Variants in AOPEP observed in about 807,000 individuals in gnomAD.
The protein encoded by AOPEP is aminopeptidase O (putative).
In AOPEP, 77 loss-of-function variants were observed where a neutral mutation model predicts 98.1. The ratio of observed to expected loss-of-function variants is 0.78; its 90% confidence interval spans 0.65 to 0.95. The LOEUF is 0.95. Ranked by LOEUF, AOPEP falls within the 40% of genes least tolerant of loss-of-function variation. AOPEP has a pLI of 0.00. For missense variants in AOPEP, 1,024 were observed against 1,024.7 expected (o/e 1.00, Z 0.01); for synonymous variants, 346 against 365.3 (o/e 0.95, Z 0.60).
chr9:94,922,910 C>T (rs77508117), intron 5 of AOPEP, among the ~76,000 whole-genome samples: 1,774 of 152,270 alleles, frequency 0.012, 34 homozygotes, highest in African/African-American at 0.041. Flanking sequence ...GTGGGGTTTT[C>T]TCTAATGGTG....
chr9:94,935,717 T>A (rs919232925), intron 7 of AOPEP, among the ~76,000 whole-genome samples: 29 of 152,116 alleles, frequency 1.9e-4, no homozygotes, highest in African/African-American at 6.0e-4. Context: ...GGGTGGGGTG[T>A]GGGCATGGCC....
chr9:94,962,275 C>T (rs538929490), intron 9 of AOPEP, among the ~76,000 whole-genome samples: 6 of 152,274 alleles, frequency 3.9e-5, no homozygotes, highest in East Asian at 1.9e-4. Flanking sequence ...TTATTTCCCA[C>T]GTTTTACTCA....
intron 11 of AOPEP, among the ~76,000 whole-genome samples, chr9:94,988,124 T>C (rs1404596687): frequency 6.6e-6 from 1 of 152,200 alleles, no homozygotes; most frequent in Non-Finnish European, 1.5e-5. Flanking sequence ...TTTACATGGA[T>C]ACTTCTAAAA....
chr9:94,804,249 C>T (rs529915136), intron 5 of AOPEP, among the ~76,000 whole-genome samples: 3 of 152,154 alleles, frequency 2.0e-5, no homozygotes, highest in Non-Finnish European at 4.4e-5. Flanking sequence ...CTTAATCTTA[C>T]CTTTGTATGT....
downstream of AOPEP, among the ~76,000 whole-genome samples, chr9:95,090,307 C>T (rs746627322): frequency 4.6e-5 from 7 of 152,222 alleles, no homozygotes; most frequent in East Asian, 1.9e-4. Context: ...AAACGGATGC[C>T]GGGTCCAGTC....
At chr9:95,050,403 T>C (rs1388786537) in intron 13 of AOPEP, among the ~76,000 whole-genome samples, 7 of 152,226 alleles carry the variant, frequency 4.6e-5, no homozygotes, top group Non-Finnish European at 8.8e-5. Flanking sequence ...CATAACACTT[T>C]TCACAGTTAA....
intron 13 of AOPEP, among the ~76,000 whole-genome samples, chr9:95,057,504 T>TTGTGG (rs1266694635): frequency 1.3e-5 from 2 of 152,268 alleles, no homozygotes; most frequent in Admixed American, 1.3e-4. Context: ...CCACTGCTTT[T>TTGTGG]TCATTTGTAG....
intron 5 of AOPEP, among the ~76,000 whole-genome samples, chr9:94,883,589 C>T (rs974954991): frequency 6.6e-6 from 1 of 152,148 alleles, no homozygotes; most frequent in Non-Finnish European, 1.5e-5. Context: ...ACAATTCAGA[C>T]TGAAGAACTC....
At chr9:94,787,329 G>A (rs1844650089) in intron 3 of AOPEP, among the ~76,000 whole-genome samples, 1 of 152,230 alleles carries the variant, frequency 6.6e-6, no homozygotes, top group Non-Finnish European at 1.5e-5. Flanking sequence ...AAGGTGCTGG[G>A]TTGTGATGGG....
At chr9:94,922,382 C>T (rs2053755950) in intron 5 of AOPEP, among the ~76,000 whole-genome samples, 1 of 152,242 alleles carries the variant, frequency 6.6e-6, no homozygotes, top group African/African-American at 2.4e-5. Flanking sequence ...CCCACGCAGG[C>T]TTGCCCTCCA....
chr9:94,846,877 C>T lies in AOPEP; in HGVS notation c.1364+45875C>T, dbSNP rs2042923794. Among the ~76,000 whole-genome samples, 8 of 152,264 alleles carry T rather than the reference C, an allele frequency of 5.3e-5. No individual in the cohort carries two copies. The South Asian group carries it at 1.7e-3, about 32-fold the overall frequency. ...GTGAGCCAGGGATGGCGCCACTGCTCTCCAGCCTGGGTGACAGAGCAAGAC... is the reference window on the plus strand; with the variant it reads ...GTGAGCCAGGGATGGCGCCACTGCTTTCCAGCCTGGGTGACAGAGCAAGAC... On this transcript the variant is annotated intron_variant, in intron 5 of 16. Transcript: ENST00000375315.
At chr9:94,916,302 G>C (rs1004118126) in intron 5 of AOPEP, among the ~76,000 whole-genome samples, 4 of 152,148 alleles carry the variant, frequency 2.6e-5, no homozygotes, top group African/African-American at 7.2e-5. Flanking sequence ...CTCCAATGAG[G>C]CTGCCGACAT....
At position 94,748,733 on chromosome 9, in the gene AOPEP, T is replaced by C. The variant is rs1013321482; in HGVS notation, c.-135-10916T>C. 2.0e-5 allele frequency among the ~76,000 whole-genome samples: 3 copies of C among 152,194 alleles called. No individual in the cohort carries two copies. In the South Asian group the frequency reaches 6.2e-4, roughly 31 times the overall value. ...CTTGTTTTTTATAGCCTTCACACTT[T>C]TGAAGAGTACTGGTTAGGTATATTT... On this transcript the variant is annotated intron_variant, in intron 1 of 16. Coordinates refer to ENST00000375315, the MANE Select transcript of AOPEP (RefSeq NM_001193329.3).
At position 94,822,005 on chromosome 9, in the gene AOPEP, A is replaced by G. The variant is rs1233442807; in HGVS notation, c.1364+21003A>G. 2.0e-5 allele frequency among the ~76,000 whole-genome samples: 3 copies of G among 148,892 alleles called. No individual in the cohort carries two copies. The East Asian group carries it at 5.9e-4, about 29-fold the overall frequency. ...CACACACACACACACACACACACAC[A>G]CACACACGCAGGCATTCAGCCTACT... On this transcript the variant is annotated intron_variant, in intron 5 of 16. Transcript: ENST00000375315.
intron 1 of AOPEP, among the ~76,000 whole-genome samples, chr9:94,737,803 G>T (rs1832114599): frequency 6.6e-6 from 1 of 152,202 alleles, no homozygotes; most frequent in African/African-American, 2.4e-5. Context: ...TCCGTATTTG[G>T]TTGGGGATAT....
the AOPEP span, among the ~76,000 whole-genome samples, chr9:95,144,148 G>A: frequency 2.0e-5 from 3 of 152,142 alleles, no homozygotes; most frequent in Non-Finnish European, 4.4e-5. Flanking sequence ...GGGGCTGGGC[G>A]CGGCTGGTAA....
intron 5 of AOPEP, among the ~76,000 whole-genome samples, chr9:94,808,759 T>C (rs1336051409): frequency 1.3e-5 from 2 of 152,252 alleles, no homozygotes; most frequent in African/African-American, 4.8e-5. Context: ...CAGCCAAGAC[T>C]TGGGGTAGGC....
the AOPEP span, among the ~76,000 whole-genome samples, chr9:95,147,116 A>G: frequency 6.6e-6 from 1 of 151,778 alleles, no homozygotes; most frequent in African/African-American, 2.4e-5. Context: ...TCTATTTGAA[A>G]AGTAACATTT....
intron 5 of AOPEP, among the ~76,000 whole-genome samples, chr9:94,908,737 G>A (rs2051551876): frequency 6.6e-6 from 1 of 152,130 alleles, no homozygotes; most frequent in Non-Finnish European, 1.5e-5. Flanking sequence ...CACCACCCAT[G>A]CAAAGTTTAA....
Sources: gnomAD v4.1 joint callset for allele counts (sites outside exome capture counted in the v4.1 genomes callset) on GRCh38, gnomAD v4.1.1 for gene constraint, MANE v1.5 for transcripts, NCBI Gene and HGNC (gene_info 2026-07-23, HGNC 2026-07-21) for gene names.